Variants in BCKDHB observed in about 807,000 individuals in gnomAD.
BCKDHB encodes the protein branched chain keto acid dehydrogenase E1 subunit beta, also known as 2-oxoisovalerate dehydrogenase subunit beta, mitochondrial.
In BCKDHB, 41 loss-of-function variants were observed where a neutral mutation model predicts 48.5. The ratio of observed to expected loss-of-function variants is 0.85; its 90% CI spans 0.66 to 1.10. The LOEUF is 1.10. Among genes scored for constraint, BCKDHB ranks in the 50% least tolerant of loss-of-function variants. The pLI is 0.00. For synonymous variants in BCKDHB, 201 were observed against 174.8 expected, an observed-to-expected ratio of 1.15 and a Z score of -1.18; for missense variants, 496 against 494.2, an observed-to-expected ratio of 1.00 and a Z score of -0.03.
Position 80,343,969 on chromosome 6 carries a change from A to C in BCKDHB, c.*165A>C, listed in dbSNP as rs1770053502. ...AGAAAATAATGTGCTTTAGAAAAAA[A>C]ATTCAAATTTATAGTAGTATATTTA... is the stretch of plus-strand genomic sequence containing the variant. On this transcript the variant is annotated 3_prime_UTR_variant, in exon 10 of 10. Transcript: ENST00000320393. 1 of 872,518 alleles carries C rather than the reference A, an allele frequency of 1.1e-6. No individual in the cohort carries two copies. The highest frequency in any genetic ancestry group is 1.8e-6 in the Non-Finnish European group (1 of 554,986). The allele number at this position is 872,518 out of a possible 1,614,324, so 54.0% of individuals were successfully genotyped here.
At chr6:80,327,910 T>G in intron 9 of BCKDHB, among the ~76,000 whole-genome samples, 1 of 104,046 alleles carries the variant, frequency 9.6e-6, no homozygotes, top group African/African-American at 3.7e-5. Flanking sequence ...TTTTCTCCCC[T>G]CCCTTCTCCC....
At chr6:80,212,219 A>T (rs1002665428) in intron 8 of BCKDHB, among the ~76,000 whole-genome samples, 2 of 152,066 alleles carry the variant, frequency 1.3e-5, no homozygotes, top group Non-Finnish European at 2.9e-5. Context: ...GTTTTTCCCC[A>T]CCCTGATAAG....
intron 6 of BCKDHB, among the ~76,000 whole-genome samples, chr6:80,188,452 A>C (rs1003264341): frequency 2.0e-5 from 3 of 152,120 alleles, no homozygotes; most frequent in Non-Finnish European, 2.9e-5. Context: ...CCTGGGCAAC[A>C]TGGTGAGACC....
At chr6:80,311,210 T>C (rs1275943096) in intron 9 of BCKDHB, among the ~76,000 whole-genome samples, 1 of 152,208 alleles carries the variant, frequency 6.6e-6, no homozygotes, top group Non-Finnish European at 1.5e-5. Context: ...CTATGTAAGA[T>C]GACTTGTTCC....
chr6:80,314,397 G>A (rs1768331493), intron 9 of BCKDHB, among the ~76,000 whole-genome samples: 1 of 152,158 alleles, frequency 6.6e-6, no homozygotes, highest in African/African-American at 2.4e-5. Context: ...CATTTGGGCT[G>A]CCCAAGGTCC....
At chr6:80,458,309 G>A in the BCKDHB span, among the ~76,000 whole-genome samples, 8 of 152,194 alleles carry the variant, frequency 5.3e-5, no homozygotes, top group Non-Finnish European at 8.8e-5. Context: ...CAAACAAATA[G>A]CCAGAATCAA....
chr6:80,190,490 C>G (rs1190286038), intron 6 of BCKDHB, among the ~76,000 whole-genome samples: 3 of 151,902 alleles, frequency 2.0e-5, no homozygotes, highest in Non-Finnish European at 4.4e-5. Flanking sequence ...TTTAATATGT[C>G]TTTGCCTGTT....
the BCKDHB span, among the ~76,000 whole-genome samples, chr6:80,396,294 G>T: frequency 6.6e-6 from 1 of 152,166 alleles, no homozygotes; most frequent in African/African-American, 2.4e-5. Context: ...CACAGGGCTG[G>T]CCACTTTCTC....
chr6:80,112,794 C>T (rs928019264), intron 1 of BCKDHB, among the ~76,000 whole-genome samples: 7 of 152,204 alleles, frequency 4.6e-5, no homozygotes, highest in African/African-American at 1.7e-4. Context: ...CTTAGAGTGT[C>T]AGACGTCTCT....
chr6:80,263,662 A>C (rs137863954), intron 8 of BCKDHB, among the ~76,000 whole-genome samples: 36 of 152,298 alleles, frequency 2.4e-4, no homozygotes, highest in African/African-American at 7.9e-4. Flanking sequence ...GTGATACAGA[A>C]GTGTAGCAGT....
intron 8 of BCKDHB, among the ~76,000 whole-genome samples, chr6:80,227,795 T>C (rs952428412): frequency 2.0e-5 from 3 of 152,214 alleles, no homozygotes; most frequent in Non-Finnish European, 1.5e-5. Context: ...TTAAAAATTA[T>C]AATAATCTAC....
intron 9 of BCKDHB, among the ~76,000 whole-genome samples, chr6:80,300,011 A>G (rs571321873): frequency 2.6e-5 from 4 of 152,168 alleles, no homozygotes; most frequent in South Asian, 4.2e-4. Context: ...AGAAAGACCT[A>G]TCATGCAAAC....
chr6:80,129,296 A>G (rs572541930), intron 3 of BCKDHB, 67 bp downstream of exon 3: 1 of 1,372,216 alleles, frequency 7.3e-7, no homozygotes, highest in Non-Finnish European at 1.0e-6. Context: ...AAAATACAAA[A>G]TATGCCTACT....
intron 8 of BCKDHB, among the ~76,000 whole-genome samples, chr6:80,268,555 G>A (rs1777607745): frequency 6.6e-6 from 1 of 152,058 alleles, no homozygotes; most frequent in Admixed American, 6.6e-5. Flanking sequence ...TGTACTTGGT[G>A]TAGGTAAGGT....
At chr6:80,144,506 C>T (rs1582226366) in intron 3 of BCKDHB, among the ~76,000 whole-genome samples, 1 of 152,080 alleles carries the variant, frequency 6.6e-6, no homozygotes, top group East Asian at 1.9e-4. Context: ...TGAATTCATC[C>T]TGCAGTTTGA....
chr6:80,288,604 A>G lies in BCKDHB; in HGVS notation c.1038+15383A>G, dbSNP rs185162902. Among the ~76,000 whole-genome samples, 53 of 152,202 alleles carry G rather than the reference A, an allele frequency of 3.5e-4. No homozygotes were observed. In the East Asian group the frequency reaches 6.4e-3, roughly 18 times the overall value. On this transcript the variant is annotated intron_variant, in intron 9 of 9. Coordinates refer to ENST00000320393, the MANE Select transcript of BCKDHB (RefSeq NM_183050.4). ...TCCTAAAGAAACTGGAATAATGAGT[A>G]TTTGCCAACTGTGTAGATACCCCTC...
chr6:80,457,871 A>G, the BCKDHB span, among the ~76,000 whole-genome samples: 13 of 152,336 alleles, frequency 8.5e-5, no homozygotes, highest in African/African-American at 2.9e-4. Flanking sequence ...GCGTCTTAAG[A>G]TGAGAAACAA....
intron 9 of BCKDHB, among the ~76,000 whole-genome samples, chr6:80,320,034 G>A (rs565446902): frequency 9.9e-5 from 15 of 152,068 alleles, no homozygotes; most frequent in African/African-American, 3.6e-4. Flanking sequence ...ATAAGCAAAA[G>A]GAAATCTGAG....
the BCKDHB span, among the ~76,000 whole-genome samples, chr6:80,400,259 C>T: frequency 6.6e-6 from 1 of 151,830 alleles, no homozygotes; most frequent in African/African-American, 2.4e-5. Context: ...AGAGCTTCTA[C>T]TCAGCAAAAG....
Sources: gnomAD v4.1 joint callset for allele counts (sites outside exome capture counted in the v4.1 genomes callset) on GRCh38, gnomAD v4.1.1 for gene constraint, MANE v1.5 for transcripts, NCBI Gene and HGNC (gene_info 2026-07-23, HGNC 2026-07-21) for gene names.